DSCAML1: variants seen among roughly 807,000 people sequenced by gnomAD.
DSCAML1 encodes cell adhesion molecule DSCAML1.
In DSCAML1, 38 loss-of-function variants were observed where a neutral mutation model predicts 200.5. The ratio of observed to expected loss-of-function variants is 0.19; its 90% CI spans 0.15 to 0.25. The LOEUF (loss-of-function observed/expected upper bound fraction) is 0.25, where lower values mean the gene tolerates loss of function less well. DSCAML1 is among the 10% of genes least tolerant of loss of function. The pLI is 1.00. For missense variants in DSCAML1, 2,223 were observed against 2,858.8 expected (o/e 0.78, Z 5.07); for synonymous variants, 1,215 against 1,165.0 (o/e 1.04, Z -0.87).
chr11:117,491,850 G>C (rs1253343129), intron 11 of DSCAML1, among the ~76,000 whole-genome samples: 1 of 152,154 alleles, frequency 6.6e-6, no homozygotes, highest in East Asian at 1.9e-4. Flanking sequence ...AGGGGCCCAA[G>C]AATAGGGGTG....
chr11:117,485,491 G>T (rs183074686), intron 11 of DSCAML1, among the ~76,000 whole-genome samples: 8 of 152,352 alleles, frequency 5.3e-5, no homozygotes, highest in Non-Finnish European at 7.3e-5. Context: ...GGCCAGGCCA[G>T]CCTGGGATCT....
chr11:117,696,557 G>A (rs777763106), intron 3 of DSCAML1, among the ~76,000 whole-genome samples: 14 of 152,240 alleles, frequency 9.2e-5, no homozygotes, highest in East Asian at 1.9e-4. Context: ...TGGGGAGGCC[G>A]CACTTCTCTT....
chr11:117,638,162 G>A (rs1241016270), intron 3 of DSCAML1, among the ~76,000 whole-genome samples: 3 of 152,190 alleles, frequency 2.0e-5, no homozygotes, highest in Non-Finnish European at 4.4e-5. Flanking sequence ...TAAACATTAT[G>A]AAGAGGCAGA....
At position 117,501,403 on chromosome 11, in the gene DSCAML1, A is replaced by G. The variant is rs532077971; in HGVS notation, c.2359+2442T>C. On this transcript the variant is annotated intron_variant, in intron 11 of 32. Coordinates refer to ENST00000651296, the MANE Select transcript of DSCAML1 (RefSeq NM_020693.4). The stretch of plus-strand genomic sequence containing the variant: ...GCAGTGTCCTCTGGCAGCCAGATAC[A>G]GTGCAGATTCACGCAGGCTGCTACA... Among the ~76,000 whole-genome samples the G allele has an allele frequency of 4.6e-5, 7 of 152,228 alleles. No homozygotes were observed. The South Asian group carries it at 1.5e-3, about 32-fold the overall frequency.
chr11:117,804,340 A>G (rs1264050313), intron 1 of DSCAML1, among the ~76,000 whole-genome samples: 1 of 152,216 alleles, frequency 6.6e-6, no homozygotes, highest in Non-Finnish European at 1.5e-5. Flanking sequence ...GTGTCAACTC[A>G]GTCTCTCAAA....
chr11:117,518,652 C>T lies in DSCAML1; in HGVS notation c.1324G>A (p.Ala442Thr). 6.2e-7 allele frequency: 1 copy of T among 1,613,348 alleles called. No individual in the cohort carries two copies. Among genetic ancestry groups the T allele is most frequent in the Non-Finnish European group, 8.5e-7 (1 of 1,179,902 alleles). The change falls in exon 7 of 33, where the codon GCC becomes ACC. Residue 442 changes from alanine to threonine, a missense_variant. Ala to Thr is a moderately conservative substitution (Grantham distance 58). Coordinates refer to ENST00000651296, the MANE Select transcript of DSCAML1 (RefSeq NM_020693.4). The surrounding 1 kb of genome is among the most constrained non-coding windows in gnomAD (Gnocchi z 6.3). The part of the protein sequence containing the change: ...KGAPPPTVTW[A>T]LDDEPIVRDG... ...CGCACGATGGGCTCATCGTCGAGGG[C>T]CCAGGTGACCGTGGGGGGCGGGGCG...
At chr11:117,685,366 C>T (rs540089932) in intron 3 of DSCAML1, among the ~76,000 whole-genome samples, 2 of 152,324 alleles carry the variant, frequency 1.3e-5, no homozygotes, top group Admixed American at 6.5e-5. Flanking sequence ...TCCACCCTTC[C>T]GCTTAATTCC....
At chr11:117,673,580 G>A (rs1041563469) in intron 3 of DSCAML1, among the ~76,000 whole-genome samples, 17 of 152,210 alleles carry the variant, frequency 1.1e-4, no homozygotes, top group Admixed American at 9.8e-4. Flanking sequence ...TCAGAGAGAT[G>A]AAGGTTTACT....
At chr11:117,536,799 C>T (rs2050179660) in intron 3 of DSCAML1, among the ~76,000 whole-genome samples, 1 of 152,134 alleles carries the variant, frequency 6.6e-6, no homozygotes, top group African/African-American at 2.4e-5. Context: ...TGGTTGGTTT[C>T]TGCTTTTCTT....
At chr11:117,676,674 G>A (rs2053220372) in intron 3 of DSCAML1, among the ~76,000 whole-genome samples, 1 of 152,254 alleles carries the variant, frequency 6.6e-6, no homozygotes, top group Non-Finnish European at 1.5e-5. Flanking sequence ...GGATGGACCA[G>A]CAGCTGCTCA....
chr11:117,428,493 G>A lies in DSCAML1; in HGVS notation c.5997C>T (p.Pro1999=), dbSNP rs1038729722. 1 of 1,529,446 alleles carries A rather than the reference G, an allele frequency of 6.5e-7. No homozygotes were observed. The highest frequency in any genetic ancestry group is 8.8e-7 in the Non-Finnish European group (1 of 1,135,414). 94.7% of individuals were successfully genotyped at this position (1,529,446 alleles called of 1,614,324 possible). ...TGCTGGGGGCCGGAGGGGCAGCGCT[G>A]GGGGCGGTGGGTGGCTCAGCAGGGG... ...GPTPAEPPTA[P]SAAPPAPSTE... The change falls in exon 33 of 33, where the codon CCC becomes CCT. Residue 1999 remains proline, a synonymous_variant. Transcript: ENST00000651296.
chr11:117,617,282 G>A (rs1480085379), intron 3 of DSCAML1, among the ~76,000 whole-genome samples: 2 of 152,334 alleles, frequency 1.3e-5, no homozygotes, highest in Admixed American at 6.5e-5. Context: ...CCCATTCTGA[G>A]GGAAGCTGGG....
intron 3 of DSCAML1, among the ~76,000 whole-genome samples, chr11:117,688,332 G>T (rs183233932): frequency 3.3e-4 from 50 of 152,288 alleles, no homozygotes; most frequent in Admixed American, 1.3e-3. Flanking sequence ...CCAAGCAGTG[G>T]GGAGAGGGAG....
chr11:117,749,287 C>T (rs1475209625), intron 3 of DSCAML1, among the ~76,000 whole-genome samples: 3 of 152,292 alleles, frequency 2.0e-5, no homozygotes, highest in South Asian at 4.1e-4. Context: ...AATTACACAC[C>T]ATACACAAAC....
At chr11:117,468,838 A>T (rs1359895081) in intron 16 of DSCAML1, among the ~76,000 whole-genome samples, 2 of 151,908 alleles carry the variant, frequency 1.3e-5, no homozygotes, top group Non-Finnish European at 2.9e-5. Flanking sequence ...AATCTCTCTC[A>T]CTCTCAAGTC....
At chr11:117,740,507 G>C (rs2054402244) in intron 3 of DSCAML1, among the ~76,000 whole-genome samples, 1 of 152,106 alleles carries the variant, frequency 6.6e-6, no homozygotes, top group Non-Finnish European at 1.5e-5. Flanking sequence ...GTCTCACACT[G>C]AAAGTCTTCA....
chr11:117,599,157 C>T (rs2051418863), intron 3 of DSCAML1, among the ~76,000 whole-genome samples: 1 of 94,170 alleles, frequency 1.1e-5, no homozygotes, highest in East Asian at 2.8e-4. Context: ...TGAATTTCAC[C>T]TCTTGTTCCT....
intron 3 of DSCAML1, among the ~76,000 whole-genome samples, chr11:117,660,465 C>G (rs1809515388): frequency 6.6e-6 from 1 of 152,196 alleles, no homozygotes; most frequent in Non-Finnish European, 1.5e-5. Flanking sequence ...CTTCCCTGCT[C>G]TCCGGTTCTC....
Position 117,516,773 on chromosome 11 carries a change from G to A in DSCAML1, c.1511-34C>T, listed in dbSNP as rs754933035. The A allele has an allele frequency of 1.3e-6, 2 of 1,590,100 alleles. No individual in the cohort carries two copies. The highest frequency in any genetic ancestry group is 1.2e-5 in the South Asian group (1 of 86,626). On this transcript the variant is annotated intron_variant, in intron 7 of 32. Coordinates refer to ENST00000651296, the MANE Select transcript of DSCAML1 (RefSeq NM_020693.4). The surrounding 1 kb of genome is among the most constrained non-coding windows in gnomAD (Gnocchi z 5.7). ...GAGTCAGAAGAGAGGAGGAGGAGGA[G>A]AAGGGCATGTGCTGCTGTCAGCCAG...
Sources: gnomAD v4.1 joint callset for allele counts (sites outside exome capture counted in the v4.1 genomes callset) on GRCh38, gnomAD v4.1.1 for gene constraint, Gnocchi (gnomAD v3.1) non-coding constraint, MANE v1.5 for transcripts, NCBI Gene and HGNC (gene_info 2026-07-23, HGNC 2026-07-21) for gene names.